Variants in ITGA9 observed in about 807,000 individuals in gnomAD.
ITGA9 encodes integrin alpha-9.
ITGA9 carries 56 observed loss-of-function variants against 127.8 expected under a neutral mutation model. The observed-to-expected ratio is 0.44, with a 90% CI of 0.35 to 0.55. ITGA9 has a LOEUF of 0.55. Ranked by LOEUF, ITGA9 falls within the 20% of genes least tolerant of loss-of-function variation. ITGA9 has a pLI of 0.00. For synonymous variants in ITGA9, 508 were observed against 514.5 expected (o/e 0.99, Z 0.17); for missense variants, 1,196 against 1,347.1 (o/e 0.89, Z 1.76).
At chr3:37,572,150 G>A (rs1051149543) in intron 15 of ITGA9, among the ~76,000 whole-genome samples, 6 of 152,062 alleles carry the variant, frequency 3.9e-5, no homozygotes, top group Middle Eastern at 3.2e-3. Flanking sequence ...GAGGATGGAT[G>A]CGTGTCATTC....
rs190568846 is a variant in ITGA9, at chr3:37,560,199, G to A, written c.1689+17614G>A. 5.3e-4 allele frequency among the ~76,000 whole-genome samples: 80 copies of A among 152,148 alleles called. 1 individual carries two copies. In the East Asian group the frequency reaches 0.014, roughly 27 times the overall value. On this transcript the variant is annotated intron_variant, in intron 15 of 27. Coordinates refer to ENST00000264741, the MANE Select transcript of ITGA9 (RefSeq NM_002207.3). The stretch of plus-strand genomic sequence containing the variant: ...TCCCACCTATGAGTGAGAACATGTA[G>A]TGTTTGGTTTTCTGTCCTTCTGATG...
intron 15 of ITGA9, among the ~76,000 whole-genome samples, chr3:37,577,895 C>G (rs913062955): frequency 7.2e-5 from 11 of 152,184 alleles, no homozygotes; most frequent in Admixed American, 2.6e-4. Flanking sequence ...GTCTTTCTTC[C>G]TGGAGGGCTT....
chr3:37,584,600 C>T (rs1409850861), intron 15 of ITGA9, among the ~76,000 whole-genome samples: 1 of 151,938 alleles, frequency 6.6e-6, no homozygotes, highest in Non-Finnish European at 1.5e-5. Flanking sequence ...ACTAAAAATA[C>T]AAAATTTATC....
chr3:37,817,441 T>G (rs1283456339), intron 27 of ITGA9, among the ~76,000 whole-genome samples: 1 of 152,138 alleles, frequency 6.6e-6, no homozygotes, highest in African/African-American at 2.4e-5. Flanking sequence ...GAAGGTGATC[T>G]CAGGAAAAAC....
chr3:37,677,322 T>A (rs1282420840), intron 17 of ITGA9, among the ~76,000 whole-genome samples: 1 of 152,220 alleles, frequency 6.6e-6, no homozygotes, highest in Non-Finnish European at 1.5e-5. Context: ...AATTTTAAAC[T>A]CTGAAAATTG....
chr3:37,673,186 C>T (rs959108688), intron 17 of ITGA9, among the ~76,000 whole-genome samples: 9 of 152,176 alleles, frequency 5.9e-5, no homozygotes, highest in Non-Finnish European at 7.4e-5. Context: ...GCATGAAAAC[C>T]GACTCCATTT....
chr3:37,787,951 G>A (rs1206435202), intron 26 of ITGA9, among the ~76,000 whole-genome samples: 4 of 152,166 alleles, frequency 2.6e-5, no homozygotes, highest in Non-Finnish European at 5.9e-5. Context: ...ATTTTCCTGT[G>A]ATCTTTTTTA....
chr3:37,724,012 C>A (rs1701219396), intron 18 of ITGA9, among the ~76,000 whole-genome samples: 1 of 152,202 alleles, frequency 6.6e-6, no homozygotes, highest in Admixed American at 6.5e-5. Context: ...TTCAGTATTT[C>A]TCCCAGGAGC....
intron 18 of ITGA9, among the ~76,000 whole-genome samples, chr3:37,723,406 G>A (rs1241685062): frequency 6.6e-6 from 1 of 152,060 alleles, no homozygotes; most frequent in Non-Finnish European, 1.5e-5. Flanking sequence ...TGTCACCCAG[G>A]ATGAAATGCA....
chr3:37,522,724 T>TAA (rs35125393), intron 11 of ITGA9, among the ~76,000 whole-genome samples: 6,163 of 145,492 alleles, frequency 0.042, 351 homozygotes, highest in African/African-American at 0.14. Flanking sequence ...CTCTATCTCT[T>TAA]AAAAAAAAAA....
intron 16 of ITGA9, among the ~76,000 whole-genome samples, chr3:37,650,782 A>G (rs1700422307): frequency 6.6e-6 from 1 of 151,540 alleles, no homozygotes; most frequent in Non-Finnish European, 1.5e-5. Flanking sequence ...CATGGTGTTC[A>G]CTCAGTCACA....
At chr3:37,719,728 T>G (rs759851210) in intron 18 of ITGA9, among the ~76,000 whole-genome samples, 3 of 152,092 alleles carry the variant, frequency 2.0e-5, no homozygotes, top group Non-Finnish European at 4.4e-5. Flanking sequence ...GTGAGATGGA[T>G]AGATGCCCCA....
At chr3:37,726,740 C>G (rs909652660) in intron 18 of ITGA9, among the ~76,000 whole-genome samples, 10 of 152,262 alleles carry the variant, frequency 6.6e-5, no homozygotes, top group African/African-American at 2.4e-4. Flanking sequence ...AAGCCAAGGC[C>G]TATTCATTTA....
chr3:37,481,700 C>T (rs1384095931), intron 4 of ITGA9, 93 bp downstream of exon 4: 4 of 1,505,954 alleles, frequency 2.7e-6, no homozygotes, highest in African/African-American at 1.4e-5. Context: ...GAACATTTCC[C>T]CAGCTTTCCA....
chr3:37,719,267 TACCC>T (rs1701166016), intron 18 of ITGA9, among the ~76,000 whole-genome samples: 1 of 152,154 alleles, frequency 6.6e-6, no homozygotes, highest in African/African-American at 2.4e-5. Flanking sequence ...TCCTGAGATG[TACCC>T]AGGAGTAGCA....
chr3:37,722,234 C>G (rs1473982085), intron 18 of ITGA9, among the ~76,000 whole-genome samples: 1 of 152,216 alleles, frequency 6.6e-6, no homozygotes, highest in Non-Finnish European at 1.5e-5. Context: ...TTCCCTCCAC[C>G]TATACCAGGT....
intron 15 of ITGA9, among the ~76,000 whole-genome samples, chr3:37,616,546 T>G (rs1302371818): frequency 6.6e-6 from 1 of 152,228 alleles, no homozygotes; most frequent in African/African-American, 2.4e-5. Flanking sequence ...CGTTGATCTG[T>G]CTAATGTTGA....
intron 1 of ITGA9, among the ~76,000 whole-genome samples, chr3:37,457,189 C>T (rs73053267): frequency 0.025 from 3,796 of 152,302 alleles, 49 homozygotes; most frequent in Middle Eastern, 0.048. Flanking sequence ...AATTGTCTTT[C>T]TACTCATAAA....
chr3:37,561,325 A>G (rs1289211641), intron 15 of ITGA9, among the ~76,000 whole-genome samples: 2 of 152,188 alleles, frequency 1.3e-5, no homozygotes, highest in Admixed American at 1.3e-4. Context: ...CTCATTAGGC[A>G]CACGTGGGTA....
Sources: gnomAD v4.1 joint callset for allele counts (sites outside exome capture counted in the v4.1 genomes callset) on GRCh38, gnomAD v4.1.1 for gene constraint, MANE v1.5 for transcripts, NCBI Gene and HGNC (gene_info 2026-07-23, HGNC 2026-07-21) for gene names.